Variants in SLC8A3 observed in about 807,000 individuals in gnomAD.
SLC8A3 encodes the protein sodium/calcium exchanger 3.
In SLC8A3, 37 loss-of-function variants were observed where a neutral mutation model predicts 65.4. That is an observed-to-expected ratio of 0.57 (90% CI 0.44 to 0.74). The LOEUF (loss-of-function observed/expected upper bound fraction) is 0.74. Among genes scored for constraint, SLC8A3 ranks in the 30% least tolerant of loss-of-function variants. SLC8A3 has a pLI of 0.00. For synonymous variants in SLC8A3, 461 were observed against 444.5 expected (o/e 1.04, Z -0.47); for missense variants, 1,112 against 1,172.1 (o/e 0.95, Z 0.75).
intron 1 of SLC8A3, among the ~76,000 whole-genome samples, chr14:70,172,389 G>C (rs1309429832): frequency 2.0e-5 from 3 of 152,184 alleles, no homozygotes; most frequent in African/African-American, 7.2e-5. Context: ...ATGACATAAA[G>C]TATGGTTTTA....
chr14:70,170,103 A>T (rs1358098700), intron 1 of SLC8A3, among the ~76,000 whole-genome samples: 1 of 152,016 alleles, frequency 6.6e-6, no homozygotes, highest in Non-Finnish European at 1.5e-5. Flanking sequence ...ATCTTTTTTT[A>T]AAAAAACAAA....
chr14:70,046,300 C>T lies in SLC8A3; in HGVS notation c.2413G>A (p.Ala805Thr). 1.9e-6 allele frequency: 3 copies of T among 1,608,928 alleles called. No individual in the cohort carries two copies. Among genetic ancestry groups the T allele is most frequent in the Non-Finnish European group, 2.5e-6 (3 of 1,176,732 alleles). Residue 805 changes from alanine to threonine, a missense_variant, in exon 7 of 7, where the codon GCC becomes ACC. Transcript: ENST00000356921. The surrounding 1 kb of genome is among the most constrained non-coding windows in gnomAD (Gnocchi z 4.2). Reference protein sequence around the residue: ...VPDTFASKAAALQDVYADASI... With the variant: ...VPDTFASKAATLQDVYADASI... The stretch of plus-strand genomic sequence containing the variant: ...GCGTCTGCATATACATCCTGGAGGG[C>T]AGCAGCTTTGCTGGCAAACGTATCT...
intron 2 of SLC8A3, among the ~76,000 whole-genome samples, chr14:70,110,904 T>G (rs1728011255): frequency 6.6e-6 from 1 of 152,012 alleles, no homozygotes; most frequent in Non-Finnish European, 1.5e-5. Context: ...ATGGTCTCGA[T>G]CTCCTGACCT....
At chr14:70,056,786 A>G (rs940872791) in intron 3 of SLC8A3, among the ~76,000 whole-genome samples, 2 of 152,334 alleles carry the variant, frequency 1.3e-5, no homozygotes, top group African/African-American at 4.8e-5. Flanking sequence ...CAAGGTCCCT[A>G]TGTGGATTGG....
chr14:70,173,364 C>T (rs1445195885), intron 1 of SLC8A3, among the ~76,000 whole-genome samples: 2 of 152,170 alleles, frequency 1.3e-5, no homozygotes, highest in African/African-American at 4.8e-5. Flanking sequence ...AAACTGATGC[C>T]CTGGCTCAGC....
chr14:70,052,525 C>T (rs752839956), intron 3 of SLC8A3, among the ~76,000 whole-genome samples: 4 of 152,184 alleles, frequency 2.6e-5, no homozygotes, highest in Non-Finnish European at 4.4e-5. Flanking sequence ...TGCAGAAGTA[C>T]ATTTATTCAA....
intron 2 of SLC8A3, among the ~76,000 whole-genome samples, chr14:70,127,489 T>C (rs1029285695): frequency 3.3e-5 from 5 of 152,104 alleles, no homozygotes; most frequent in Non-Finnish European, 7.3e-5. Context: ...TTCCTATAAG[T>C]GTGGTCAGTA....
chr14:70,126,170 T>C (rs1281547292), intron 2 of SLC8A3, among the ~76,000 whole-genome samples: 2 of 152,222 alleles, frequency 1.3e-5, no homozygotes, highest in Non-Finnish European at 2.9e-5. Flanking sequence ...TCTTTCATTT[T>C]GTTCTTTTGC....
intron 2 of SLC8A3, among the ~76,000 whole-genome samples, chr14:70,113,466 G>A (rs140962940): frequency 6.6e-4 from 101 of 152,348 alleles, no homozygotes; most frequent in African/African-American, 2.4e-3. Context: ...GCGCATGATT[G>A]TATCTAGAAC....
At chr14:70,159,203 G>A (rs1429605767) in intron 2 of SLC8A3, among the ~76,000 whole-genome samples, 1 of 152,154 alleles carries the variant, frequency 6.6e-6, no homozygotes, top group African/African-American at 2.4e-5. Flanking sequence ...GAAGTCAGGA[G>A]TTTGAGATCA....
intron 1 of SLC8A3, among the ~76,000 whole-genome samples, chr14:70,174,677 T>TG (rs1279908051): frequency 3.4e-4 from 45 of 131,786 alleles, no homozygotes; most frequent in African/African-American, 7.9e-4. Context: ...TTTTTTTTTT[T>TG]TTTTTTTTTT....
At chr14:70,089,816 C>A (rs1260886034) in intron 2 of SLC8A3, among the ~76,000 whole-genome samples, 2 of 152,070 alleles carry the variant, frequency 1.3e-5, no homozygotes, top group African/African-American at 2.4e-5. Flanking sequence ...AAGATAATTT[C>A]TTTGATCAAC....
chr14:70,109,934 A>C (rs945177321), intron 2 of SLC8A3, among the ~76,000 whole-genome samples: 7 of 152,222 alleles, frequency 4.6e-5, no homozygotes, highest in African/African-American at 1.7e-4. Context: ...AGTTGTCTTT[A>C]TATCAAGTCC....
intron 2 of SLC8A3, among the ~76,000 whole-genome samples, chr14:70,135,285 T>C (rs976971289): frequency 1.3e-5 from 2 of 152,190 alleles, no homozygotes; most frequent in African/African-American, 4.8e-5. Flanking sequence ...CCATATGCTG[T>C]TGGTGGGAAT....
At chr14:70,113,121 G>A (rs1455577514) in intron 2 of SLC8A3, among the ~76,000 whole-genome samples, 1 of 116,588 alleles carries the variant, frequency 8.6e-6, no homozygotes, top group African/African-American at 3.1e-5. Flanking sequence ...ATATAGTACT[G>A]TCATGCCTCA....
At chr14:70,183,168 A>C (rs1387219698) in intron 1 of SLC8A3, among the ~76,000 whole-genome samples, 1 of 152,208 alleles carries the variant, frequency 6.6e-6, no homozygotes, top group Non-Finnish European at 1.5e-5. Flanking sequence ...ATTCCTGCAC[A>C]CAACTAGGAA....
In SLC8A3 at chr14:70,161,746, A is replaced by G. The variant is rs541699763; in HGVS notation, c.1784+4893T>C. ...GACTATCTTAAAACCTTGCTAAGCC[A>G]AAGAAAAAGAAAACAAAAAATCGAT... On this transcript the variant is annotated intron_variant, in intron 2 of 6. Transcript: ENST00000356921. 2.0e-5 allele frequency among the ~76,000 whole-genome samples: 3 copies of G among 152,380 alleles called. No individual in the cohort carries two copies. The South Asian group carries it at 6.2e-4, about 32-fold the overall frequency.
At chr14:70,071,155 TG>T (rs34690523) in intron 2 of SLC8A3, among the ~76,000 whole-genome samples, 1 of 152,078 alleles carries the variant, frequency 6.6e-6, no homozygotes, top group Non-Finnish European at 1.5e-5. Flanking sequence ...AAAAGGCCTT[TG>T]GGAAAAAAAG....
chr14:70,175,983 C>A (rs896394540), intron 1 of SLC8A3, among the ~76,000 whole-genome samples: 4 of 152,148 alleles, frequency 2.6e-5, no homozygotes, highest in African/African-American at 9.7e-5. Flanking sequence ...GATCCGCCCA[C>A]CTCACCCTCC....
Sources: allele counts gnomAD v4.1 joint callset (sites outside exome capture counted in the v4.1 genomes callset), GRCh38; gene constraint gnomAD v4.1.1; non-coding constraint Gnocchi (gnomAD v3.1); transcripts MANE v1.5; gene names NCBI Gene and HGNC (gene_info 2026-07-23, HGNC 2026-07-21).